The following ABLIM1 variants were observed in gnomAD, a reference collection of about 807,000 sequenced individuals.
ABLIM1 encodes actin binding LIM protein 1, also known as actin-binding LIM protein 1.
Under a neutral mutation model 107.0 loss-of-function variants are expected in ABLIM1, and 40 were observed. That is an observed-to-expected ratio of 0.37 (90% CI 0.29 to 0.49). The LOEUF (loss-of-function observed/expected upper bound fraction) is 0.49. ABLIM1 is among the 20% of genes least tolerant of loss of function. The pLI is 0.97. For missense variants in ABLIM1, 857 were observed against 1,008.5 expected (o/e 0.85, Z 2.04); for synonymous variants, 357 against 357.3 (o/e 1.00, Z 0.01).
intron 4 of ABLIM1, among the ~76,000 whole-genome samples, chr10:114,548,748 C>T (rs923245398): frequency 3.3e-5 from 5 of 152,212 alleles, no homozygotes; most frequent in African/African-American, 9.6e-5. Context: ...AGACATTCCA[C>T]ATCAATGTAC....
At chr10:114,509,074 T>C (rs1456881000) in intron 6 of ABLIM1, among the ~76,000 whole-genome samples, 1 of 152,144 alleles carries the variant, frequency 6.6e-6, no homozygotes, top group East Asian at 1.9e-4. Context: ...AAATTTAGAA[T>C]GAGAATAAAT....
At chr10:114,652,769 G>A (rs1038685416) in intron 1 of ABLIM1, among the ~76,000 whole-genome samples, 4 of 152,078 alleles carry the variant, frequency 2.6e-5, no homozygotes, top group Admixed American at 1.3e-4. Flanking sequence ...ATGTTCTTTC[G>A]TTTGTATGAG....
intron 6 of ABLIM1, among the ~76,000 whole-genome samples, chr10:114,530,525 ATATTTATT>A (rs568405852): frequency 6.6e-6 from 1 of 152,056 alleles, no homozygotes; most frequent in African/African-American, 2.4e-5. Context: ...AGTGAAATAA[ATATTTATT>A]TATTTATTTA....
intron 1 of ABLIM1, among the ~76,000 whole-genome samples, chr10:114,610,168 T>A (rs1360574657): frequency 1.3e-5 from 2 of 152,176 alleles, no homozygotes; most frequent in Non-Finnish European, 2.9e-5. Context: ...ATGCTTGAAG[T>A]ACAAACAGAA....
intron 1 of ABLIM1, among the ~76,000 whole-genome samples, chr10:114,766,509 G>C (rs1201670050): frequency 6.6e-6 from 1 of 152,076 alleles, no homozygotes; most frequent in South Asian, 2.1e-4. Flanking sequence ...ATAAACCCGA[G>C]ACCCTGGAAT....
In ABLIM1 at chr10:114,436,284, C is replaced by A. The variant is rs756691321; in HGVS notation, c.2313G>T (p.Met771Ile). 1 of 1,613,636 alleles carries A rather than the reference C, an allele frequency of 6.2e-7. No individual in the cohort carries two copies. Among genetic ancestry groups the A allele is most frequent in the South Asian group, 1.1e-5 (1 of 91,014 alleles). The stretch of plus-strand genomic sequence containing the variant: ...CTTAGAAGAGTTTTGCTTTTTTCTT[C>A]ATGTCGTTGCGTCTCCAAAGAGGTA... The part of the protein sequence containing the change: ...DRLPLWRRND[M>I]KKKAKLF The change falls in exon 23 of 23, where the codon ATG becomes ATT. Residue 771 changes from methionine to isoleucine, a missense_variant. Coordinates refer to ENST00000533213, the MANE Select transcript of ABLIM1 (RefSeq NM_002313.7).
chr10:114,717,455 A>G (rs936081835), intron 1 of ABLIM1, among the ~76,000 whole-genome samples: 37 of 152,172 alleles, frequency 2.4e-4, no homozygotes, highest in African/African-American at 8.2e-4. Flanking sequence ...TTGGGGTGCT[A>G]TCATGCACAT....
chr10:114,497,279 G>A (rs981119989), intron 6 of ABLIM1, among the ~76,000 whole-genome samples: 11 of 152,206 alleles, frequency 7.2e-5, no homozygotes, highest in African/African-American at 2.4e-4. Flanking sequence ...ACTGGCAGCC[G>A]TCCTGCCTGA....
intron 14 of ABLIM1, among the ~76,000 whole-genome samples, chr10:114,449,307 T>G (rs2061501439): frequency 6.6e-6 from 1 of 152,184 alleles, no homozygotes; most frequent in Non-Finnish European, 1.5e-5. Context: ...TTAAATAACT[T>G]TTTTCTTCTG....
chr10:114,518,869 G>A (rs1448827574), intron 6 of ABLIM1, among the ~76,000 whole-genome samples: 1 of 152,024 alleles, frequency 6.6e-6, no homozygotes, highest in Non-Finnish European at 1.5e-5. Flanking sequence ...GGCAGGGGAT[G>A]CCTGGACAAT....
chr10:114,627,361 T>G (rs777098203), intron 1 of ABLIM1, among the ~76,000 whole-genome samples: 1 of 152,220 alleles, frequency 6.6e-6, no homozygotes, highest in African/African-American at 2.4e-5. Context: ...GTCTCCCACC[T>G]TTGACCTGCC....
At chr10:114,776,720 G>A in the ABLIM1 span, among the ~76,000 whole-genome samples, 1 of 152,186 alleles carries the variant, frequency 6.6e-6, no homozygotes, top group East Asian at 1.9e-4. Flanking sequence ...ACTCTCCTGA[G>A]CTCCCGCCTC....
At chr10:114,781,664 G>GTATATATATATATATATATA in the ABLIM1 span, among the ~76,000 whole-genome samples, 1 of 143,356 alleles carries the variant, frequency 7.0e-6, no homozygotes, top group Non-Finnish European at 1.5e-5. Flanking sequence ...ATATATGCGT[G>GTATATATATATATATATATA]TATATATATA....
intron 4 of ABLIM1, among the ~76,000 whole-genome samples, chr10:114,567,565 G>T (rs778963735): frequency 2.6e-5 from 4 of 152,214 alleles, no homozygotes; most frequent in Admixed American, 6.5e-5. Flanking sequence ...TCCAGTGGGA[G>T]CTCTTCCTAA....
chr10:114,475,299 C>T (rs559907511), intron 8 of ABLIM1, among the ~76,000 whole-genome samples: 1 of 152,304 alleles, frequency 6.6e-6, no homozygotes, highest in East Asian at 1.9e-4. Context: ...TCAGTCTTGG[C>T]TTAAATATCA....
intron 1 of ABLIM1, among the ~76,000 whole-genome samples, chr10:114,605,542 TC>T (rs2076350986): frequency 6.6e-6 from 1 of 152,154 alleles, no homozygotes; most frequent in Non-Finnish European, 1.5e-5. Context: ...GCACTCAGGC[TC>T]CCAGCACTTT....
At chr10:114,761,983 GCTCTCTCTCTCT>G (rs144008972) in intron 1 of ABLIM1, among the ~76,000 whole-genome samples, 1 of 145,618 alleles carries the variant, frequency 6.9e-6, no homozygotes, top group Admixed American at 6.8e-5. Context: ...TATCCCATAT[GCTCTCTCTCTCT>G]CTCTCTCTCT....
chr10:114,783,929 C>T, the ABLIM1 span, among the ~76,000 whole-genome samples: 5 of 152,008 alleles, frequency 3.3e-5, no homozygotes, highest in Non-Finnish European at 5.9e-5. Context: ...GTGCACTGAA[C>T]TTGGCAACAC....
chr10:114,782,849 G>A, the ABLIM1 span, among the ~76,000 whole-genome samples: 768 of 152,170 alleles, frequency 5.0e-3, 11 homozygotes, highest in East Asian at 0.064. Context: ...AGAATTGACA[G>A]GATTTGCCGA....
Sources: allele counts gnomAD v4.1 joint callset (sites outside exome capture counted in the v4.1 genomes callset), GRCh38; gene constraint gnomAD v4.1.1; transcripts MANE v1.5; gene names NCBI Gene and HGNC (gene_info 2026-07-23, HGNC 2026-07-21).